The following DTD1 variants were observed in gnomAD, a reference collection of about 807,000 sequenced individuals.
The protein encoded by DTD1 is D-aminoacyl-tRNA deacylase 1.
DTD1 carries 13 observed loss-of-function variants against 25.6 expected under a neutral mutation model. The observed-to-expected ratio is 0.51, with a 90% CI of 0.33 to 0.81. The LOEUF (loss-of-function observed/expected upper bound fraction) is 0.81, where lower values mean the gene tolerates loss of function less well. Among genes scored for constraint, DTD1 ranks in the 30% least tolerant of loss-of-function variants. The pLI is 0.02. For missense variants in DTD1, 193 were observed against 266.4 expected (o/e 0.72, Z 1.92); for synonymous variants, 110 against 103.6 (o/e 1.06, Z -0.37).
chr20:18,588,836 G>A (rs2060577090), intron 1 of DTD1: 2 of 985,288 alleles, frequency 2.0e-6, no homozygotes, highest in African/African-American at 1.7e-5. Flanking sequence ...GGGCATCAGA[G>A]GTCCAGATGA....
At chr20:18,681,770 G>T (rs1312752203) in intron 4 of DTD1, among the ~76,000 whole-genome samples, 2 of 152,208 alleles carry the variant, frequency 1.3e-5, no homozygotes, top group African/African-American at 4.8e-5. Context: ...AATGTTAAAA[G>T]AAGTTCTTCT....
At chr20:18,687,510 T>G (rs949657965) in intron 4 of DTD1, among the ~76,000 whole-genome samples, 2 of 152,178 alleles carry the variant, frequency 1.3e-5, no homozygotes, top group Admixed American at 1.3e-4. Context: ...GAGGTATTTA[T>G]AGTGTATTAT....
intron 4 of DTD1, among the ~76,000 whole-genome samples, chr20:18,708,329 TA>T (rs1485121587): frequency 5.5e-5 from 4 of 72,934 alleles, no homozygotes; most frequent in African/African-American, 2.0e-4. Context: ...ATTATATATA[TA>T]TATTTTATAT....
In DTD1 at chr20:18,749,737, A is replaced by T. The variant is rs2061314788; in HGVS notation, c.*19+5466A>T. On this transcript the variant is annotated intron_variant, in intron 5 of 5. Coordinates refer to ENST00000377452, the MANE Select transcript of DTD1 (RefSeq NM_080820.6). The surrounding 1 kb of genome is among the most constrained non-coding windows in gnomAD (Gnocchi z 4.2). ...GTGCAGTGTCAGGGCCCAGGTGCTG[A>T]GCTGCACCAACCACCCTGCCACAGA... 6.6e-6 allele frequency among the ~76,000 whole-genome samples: 1 copy of T among 152,170 alleles called. No individual in the cohort carries two copies. The highest frequency in any genetic ancestry group is 1.5e-5 in the Non-Finnish European group (1 of 68,030).
intron 1 of DTD1, among the ~76,000 whole-genome samples, chr20:18,590,907 C>T (rs183795779): frequency 1.3e-3 from 197 of 152,298 alleles, no homozygotes; most frequent in African/African-American, 4.6e-3. Flanking sequence ...TCATTGTCAG[C>T]AGCTAAAATT....
At chr20:18,638,083 C>A (rs764373242) in intron 4 of DTD1, among the ~76,000 whole-genome samples, 1 of 152,200 alleles carries the variant, frequency 6.6e-6, no homozygotes, top group South Asian at 2.1e-4. Flanking sequence ...TGGTAATGCC[C>A]TTGAATAAAA....
intron 4 of DTD1, among the ~76,000 whole-genome samples, chr20:18,735,200 T>C (rs2061251132): frequency 6.6e-6 from 1 of 152,274 alleles, no homozygotes; most frequent in South Asian, 2.1e-4. Context: ...TCTTTTGTTA[T>C]TTTCTTTGCT....
intron 5 of DTD1, 44 bp from the exon 6 acceptor site, chr20:18,763,316 C>T (rs1232497287): frequency 1.3e-5 from 2 of 152,650 alleles, no homozygotes; most frequent in Non-Finnish European, 2.9e-5. Flanking sequence ...TGAAGGCAAA[C>T]ATTGGAATCC....
intron 1 of DTD1, chr20:18,592,675 C>CG (rs568621355): frequency 7.4e-6 from 1 of 135,324 alleles, no homozygotes; most frequent in Non-Finnish European, 1.6e-5. Context: ...AAAGATGCAT[C>CG]TTTTTTTTTT....
intron 3 of DTD1, among the ~76,000 whole-genome samples, chr20:18,622,268 G>A (rs1256584518): frequency 2.0e-5 from 3 of 151,902 alleles, no homozygotes; most frequent in Non-Finnish European, 2.9e-5. Context: ...GGTGTTTGAT[G>A]TTCCCCTCCC....
chr20:18,633,445 C>T (rs139427885), intron 4 of DTD1, among the ~76,000 whole-genome samples: 192 of 152,316 alleles, frequency 1.3e-3, no homozygotes, highest in African/African-American at 4.5e-3. Context: ...ACAGACTTCA[C>T]ACCATCTGCT....
chr20:18,696,275 G>C (rs557454868), intron 4 of DTD1, among the ~76,000 whole-genome samples: 1 of 152,162 alleles, frequency 6.6e-6, no homozygotes, highest in South Asian at 2.1e-4. Flanking sequence ...CTTTGAGCAA[G>C]TCAGGCCGCC....
intron 4 of DTD1, among the ~76,000 whole-genome samples, chr20:18,718,322 A>G (rs981092873): frequency 1.3e-5 from 2 of 152,158 alleles, no homozygotes; most frequent in Non-Finnish European, 2.9e-5. Context: ...GGGTGCTGTT[A>G]CCTCCAGGTG....
intron 4 of DTD1, among the ~76,000 whole-genome samples, chr20:18,741,251 C>T (rs1402572309): frequency 1.3e-5 from 2 of 152,144 alleles, no homozygotes; most frequent in Non-Finnish European, 1.5e-5. Flanking sequence ...AGTGCAGTGG[C>T]GTGATCTCGG....
chr20:18,694,163 A>G (rs1335922824), intron 4 of DTD1, among the ~76,000 whole-genome samples: 3 of 152,214 alleles, frequency 2.0e-5, no homozygotes, highest in African/African-American at 7.2e-5. Context: ...AACAAAGGCC[A>G]GGCCTGGCAC....
intron 3 of DTD1, among the ~76,000 whole-genome samples, chr20:18,624,357 C>G (rs191570972): frequency 9.8e-5 from 15 of 152,340 alleles, no homozygotes; most frequent in Admixed American, 5.2e-4. Context: ...AATGCAGACC[C>G]TATCCCATTA....
At chr20:18,640,482 CA>C (rs2060824105) in intron 4 of DTD1, among the ~76,000 whole-genome samples, 1 of 152,038 alleles carries the variant, frequency 6.6e-6, no homozygotes, top group African/African-American at 2.4e-5. Context: ...CACATTTACA[CA>C]TGGTATCTCT....
chr20:18,733,691 G>A (rs1227108079), intron 4 of DTD1, among the ~76,000 whole-genome samples: 1 of 152,112 alleles, frequency 6.6e-6, no homozygotes, highest in Non-Finnish European at 1.5e-5. Context: ...TACTTAAAAG[G>A]GTTCTTTCAA....
intron 4 of DTD1, among the ~76,000 whole-genome samples, chr20:18,687,291 G>A (rs1398610325): frequency 2.0e-5 from 3 of 152,222 alleles, no homozygotes; most frequent in African/African-American, 4.8e-5. Flanking sequence ...CACACAGGGT[G>A]TGAGGGTGGC....
Sources: gnomAD v4.1 joint callset for allele counts (sites outside exome capture counted in the v4.1 genomes callset) on GRCh38, gnomAD v4.1.1 for gene constraint, Gnocchi (gnomAD v3.1) non-coding constraint, MANE v1.5 for transcripts, NCBI Gene and HGNC (gene_info 2026-07-23, HGNC 2026-07-21) for gene names.